Variants in AGO2 observed in about 807,000 individuals in gnomAD.
AGO2 encodes protein argonaute-2.
In AGO2, 5 loss-of-function variants were observed where a neutral mutation model predicts 102.3. The observed-to-expected ratio is 0.05, with a 90% CI of 0.03 to 0.10. AGO2 has a LOEUF of 0.10. Among genes scored for constraint, AGO2 ranks in the 10% least tolerant of loss-of-function variants. The pLI is 1.00. For synonymous variants in AGO2, 449 were observed against 473.1 expected, an observed-to-expected ratio of 0.95 and a Z score of 0.66; for missense variants, 541 against 1,183.7, an observed-to-expected ratio of 0.46 and a Z score of 7.97.
chr8:140,570,545 T>C (rs999533188), intron 3 of AGO2, among the ~76,000 whole-genome samples: 1 of 152,160 alleles, frequency 6.6e-6, no homozygotes, highest in Admixed American at 6.5e-5. Context: ...CAAAGAATTT[T>C]AAACTCTCGC....
chr8:140,586,985 G>T (rs528133624), intron 1 of AGO2, among the ~76,000 whole-genome samples: 6 of 152,196 alleles, frequency 3.9e-5, no homozygotes, highest in Admixed American at 3.9e-4. Context: ...GGGGCACACC[G>T]CTGGCTGCAA....
chr8:140,546,071 C>T, intron 13 of AGO2, among the ~76,000 whole-genome samples: 1 of 152,214 alleles, frequency 6.6e-6, no homozygotes, highest in Non-Finnish European at 1.5e-5. Flanking sequence ...GGCCCAAACT[C>T]CCTGCACACA....
intron 1 of AGO2, among the ~76,000 whole-genome samples, chr8:140,610,499 G>A (rs753168182): frequency 2.0e-5 from 3 of 152,226 alleles, no homozygotes; most frequent in Non-Finnish European, 2.9e-5. Flanking sequence ...GATTACAGGC[G>A]TGGGCCACCG....
chr8:140,579,916 C>G (rs1202165470), intron 2 of AGO2, among the ~76,000 whole-genome samples: 1 of 152,254 alleles, frequency 6.6e-6, no homozygotes, highest in Non-Finnish European at 1.5e-5. Context: ...TCCACAGGCA[C>G]AGGGCCATCG....
At chr8:140,551,480 A>G in intron 10 of AGO2, 44 bp from the exon 11 acceptor site, 2 of 1,471,914 alleles carry the variant, frequency 1.4e-6, no homozygotes, top group Non-Finnish European at 1.8e-6. Flanking sequence ...AATGGAAAAC[A>G]TATTCCTTCA....
chr8:140,566,319 T>G (rs969631067), intron 3 of AGO2, among the ~76,000 whole-genome samples: 5 of 152,248 alleles, frequency 3.3e-5, no homozygotes, highest in African/African-American at 1.2e-4. Flanking sequence ...CCACCATGAC[T>G]GTGATGCTTC....
intron 3 of AGO2, chr8:140,572,082 AAC>A (rs1467516821): frequency 2.0e-5 from 3 of 152,200 alleles, no homozygotes; most frequent in Non-Finnish European, 2.9e-5. Flanking sequence ...ACTTACGAAT[AAC>A]ACCCGTATCA....
chr8:140,561,761 G>A (rs2073205354), intron 4 of AGO2, among the ~76,000 whole-genome samples: 3 of 152,206 alleles, frequency 2.0e-5, no homozygotes, highest in Admixed American at 2.0e-4. Flanking sequence ...TCAGTCCTGG[G>A]GTTTGTCACT....
Position 140,572,888 on chromosome 8 carries a change from A to G in AGO2, c.260T>C (p.Phe87Ser), listed in dbSNP as rs1342493171. ...HMVQHFKTQIFGDRKPVFDGR... is the reference protein window; with the variant it reads ...HMVQHFKTQISGDRKPVFDGR... ...GTCAAACACGGGCTTCCGATCCCCA[A>G]AGATCTGTGTTTTAAAGTGCTGGAC... is the stretch of plus-strand genomic sequence containing the variant. Residue 87 changes from phenylalanine to serine, a missense_variant, in exon 3 of 19, where the codon TTT (phenylalanine) becomes TCT (serine). Around this residue, in one of 6 missense-constraint regions of AGO2, gnomAD observed 147 missense variants for 204.1 expected, o/e 0.72. Transcript: ENST00000220592. 6.2e-7 allele frequency: 1 copy of G among 1,614,122 alleles called. No homozygotes were observed. The highest frequency in any genetic ancestry group is 8.5e-7 in the Non-Finnish European group (1 of 1,180,004).
rs2072514067 is a variant in AGO2, at chr8:140,526,782, T to G, written c.*5262A>C. On this transcript the variant is annotated 3_prime_UTR_variant, in exon 19 of 19. Transcript: ENST00000220592. This position sits in a 1 kb window ranked among gnomAD's most constrained non-coding sequence, Gnocchi z 5.2. ...GAAAGAAGCATAAGCGAGGGCACCG[T>G]AATGGCACTGGTGTGACTCGGACAC... 6.6e-6 allele frequency: 1 copy of G among 152,148 alleles called. No individual in the cohort carries two copies. The highest frequency in any genetic ancestry group is 2.4e-5 in the African/African-American group (1 of 41,434). The allele number at this position is 152,148 out of a possible 1,614,324, so 9.4% of individuals were successfully genotyped here. A position where few individuals can be genotyped will look rare whatever the true frequency, so the allele number is the denominator to read the frequency against.
At chr8:140,562,656 A>C (rs1214577858) in intron 3 of AGO2, 22 bp from the exon 4 acceptor site, 1 of 1,608,234 alleles carries the variant, frequency 6.2e-7, no homozygotes, top group South Asian at 1.1e-5. Context: ...CAAGGCACAC[A>C]AGGTTACTCC....
chr8:140,572,629 G>A, intron 3 of AGO2, 183 bp downstream of exon 3: 1 of 825,688 alleles, frequency 1.2e-6, no homozygotes, highest in Non-Finnish European at 1.7e-6. Context: ...CCCCATCACT[G>A]AAAGCCACAA....
At position 140,530,852 on chromosome 8, in the gene AGO2, C is replaced by T. The variant is rs939555317; in HGVS notation, c.*1192G>A. 1 of 152,376 alleles carries T rather than the reference C, an allele frequency of 6.6e-6. No homozygotes were observed. Among genetic ancestry groups the T allele is most frequent in the Non-Finnish European group, 1.5e-5 (1 of 68,074 alleles). The allele number at this position is 152,376 out of a possible 1,614,324, so 9.4% of individuals were successfully genotyped here. On this transcript the variant is annotated 3_prime_UTR_variant, in exon 19 of 19. Transcript: ENST00000220592. ...GTCCCCACACATCAATGTTTCCCAG[C>T]AATGCAAGAATAAATAATTTCCACT...
At position 140,528,183 on chromosome 8, in the gene AGO2, A is replaced by G. The variant is rs1212315340; in HGVS notation, c.*3861T>C. 1 of 152,268 alleles carries G rather than the reference A, an allele frequency of 6.6e-6. No homozygotes were observed. 9.4% of individuals were successfully genotyped at this position (152,268 alleles called of 1,614,324 possible). ...AGAAAAATCACATTTGTGGCTTTCA[A>G]AAATAAATCATCCAGCAAACTTGAA... On this transcript the variant is annotated 3_prime_UTR_variant, in exon 19 of 19. Coordinates refer to ENST00000220592, the MANE Select transcript of AGO2 (RefSeq NM_012154.5). This position sits in a 1 kb window ranked among gnomAD's most constrained non-coding sequence, Gnocchi z 4.5.
rs2133025426 is a variant in AGO2, at chr8:140,589,950, G to A, written c.23-4639C>T. Among the ~76,000 whole-genome samples the A allele has an allele frequency of 6.6e-6, 1 of 152,382 alleles. No homozygotes were observed. The highest frequency in any genetic ancestry group is 1.5e-5 in the Non-Finnish European group (1 of 68,034). On this transcript the variant is annotated intron_variant, in intron 1 of 18. Transcript: ENST00000220592. This position sits in a 1 kb window ranked among gnomAD's most constrained non-coding sequence, Gnocchi z 4.2. Reference sequence around the variant, plus strand: ...GCAAGCCTCCCTTATGGCCACCCAAGTTGACGCTAAACACAGTCATGGCAG... The same window carrying A: ...GCAAGCCTCCCTTATGGCCACCCAAATTGACGCTAAACACAGTCATGGCAG...
chr8:140,552,672 G>T (rs970777493), intron 10 of AGO2, among the ~76,000 whole-genome samples: 3 of 152,076 alleles, frequency 2.0e-5, no homozygotes, highest in East Asian at 3.9e-4. Context: ...CAGACAGGGA[G>T]TGCACACACA....
intron 16 of AGO2, among the ~76,000 whole-genome samples, chr8:140,538,900 A>C (rs2072743398): frequency 6.6e-6 from 1 of 152,200 alleles, no homozygotes; most frequent in Non-Finnish European, 1.5e-5. Flanking sequence ...CAGGAGTTTA[A>C]GACCAGCTTG....
intron 1 of AGO2, among the ~76,000 whole-genome samples, chr8:140,634,991 C>A (rs887270282): frequency 2.0e-5 from 3 of 151,628 alleles, no homozygotes; most frequent in Non-Finnish European, 2.9e-5. Context: ...GTGCGCGCCC[C>A]GAGCCGGGCG....
At chr8:140,615,016 C>T (rs1379164166) in intron 1 of AGO2, among the ~76,000 whole-genome samples, 1 of 152,206 alleles carries the variant, frequency 6.6e-6, no homozygotes, top group African/African-American at 2.4e-5. Context: ...TATTCATTAT[C>T]CACAGCACAA....
Sources: gnomAD v4.1 joint callset for allele counts (sites outside exome capture counted in the v4.1 genomes callset) on GRCh38, gnomAD v4.1.1 for gene constraint, gnomAD v4.1.1 regional missense constraint, Gnocchi (gnomAD v3.1) non-coding constraint, MANE v1.5 for transcripts, NCBI Gene and HGNC (gene_info 2026-07-23, HGNC 2026-07-21) for gene names.